The following EFCAB5 variants were observed in gnomAD, a reference collection of about 807,000 sequenced individuals.
EFCAB5 encodes the protein EF-hand calcium-binding domain-containing protein 5.
A neutral mutation model predicts 167.9 loss-of-function variants in EFCAB5; 131 were observed. That is an observed-to-expected ratio of 0.78 (90% confidence interval 0.68 to 0.90). The LOEUF is 0.90. EFCAB5 is among the 40% of genes least tolerant of loss of function. The pLI, the probability that EFCAB5 is intolerant of heterozygous loss-of-function variation, is 0.00. For missense variants in EFCAB5, 1,663 were observed against 1,745.2 expected, an observed-to-expected ratio of 0.95 and a Z score of 0.84; for synonymous variants, 574 against 602.8, an observed-to-expected ratio of 0.95 and a Z score of 0.70.
At chr17:29,940,382 T>A (rs2067282470), upstream of EFCAB5, among the ~76,000 whole-genome samples, 1 of 152,100 alleles carries the variant, frequency 6.6e-6, no homozygotes, top group Non-Finnish European at 1.5e-5. Flanking sequence ...CGGACTAAAC[T>A]GGGAACTCTT....
At chr17:30,078,632 C>T in intron 15 of EFCAB5, 128 bp downstream of exon 15, 1 of 1,149,754 alleles carries the variant, frequency 8.7e-7, no homozygotes, top group Non-Finnish European at 1.2e-6. Context: ...ATATTTTATT[C>T]ATTCCAGTCC....
chr17:30,086,685 G>A (rs1458503330), intron 18 of EFCAB5, among the ~76,000 whole-genome samples: 2 of 152,206 alleles, frequency 1.3e-5, no homozygotes, highest in African/African-American at 4.8e-5. Context: ...ATGAGGTGAG[G>A]AGTTCAAGAC....
chr17:29,976,016 T>G (rs1431340832), intron 4 of EFCAB5, among the ~76,000 whole-genome samples: 1 of 152,202 alleles, frequency 6.6e-6, no homozygotes, highest in Non-Finnish European at 1.5e-5. Context: ...ATAAATACCT[T>G]AAGGAACATT....
intron 14 of EFCAB5, 47 bp downstream of exon 14, chr17:30,059,748 C>T: frequency 1.3e-6 from 2 of 1,501,722 alleles, no homozygotes; most frequent in Non-Finnish European, 1.8e-6. Context: ...ATTAACTTGG[C>T]TTCAAGTTTC....
chr17:30,039,983 G>T (rs1351980912), intron 8 of EFCAB5, among the ~76,000 whole-genome samples: 1 of 152,190 alleles, frequency 6.6e-6, no homozygotes, highest in Non-Finnish European at 1.5e-5. Flanking sequence ...CACTGAAACA[G>T]GGTATAAAGA....
intron 22 of EFCAB5, among the ~76,000 whole-genome samples, chr17:30,096,873 T>C (rs2071302683): frequency 6.8e-6 from 1 of 146,634 alleles, no homozygotes; most frequent in African/African-American, 2.5e-5. Context: ...AGAGACGGGG[T>C]TGCACCATGT....
chr17:29,996,631 A>C (rs1200523128), intron 6 of EFCAB5, among the ~76,000 whole-genome samples: 1 of 152,204 alleles, frequency 6.6e-6, no homozygotes, highest in African/African-American at 2.4e-5. Flanking sequence ...TATTTCTTAC[A>C]TACATAGAAT....
At chr17:29,987,597 G>A (rs374005481) in intron 4 of EFCAB5, among the ~76,000 whole-genome samples, 3 of 152,164 alleles carry the variant, frequency 2.0e-5, no homozygotes, top group African/African-American at 7.2e-5. Flanking sequence ...AGATTCAGTT[G>A]CATATGTGGT....
chr17:29,967,338 G>A (rs1382933868), intron 3 of EFCAB5, among the ~76,000 whole-genome samples: 4 of 152,210 alleles, frequency 2.6e-5, no homozygotes, highest in Non-Finnish European at 5.9e-5. Flanking sequence ...CATTTTCTCT[G>A]CGTGTGGAAA....
intron 3 of EFCAB5, chr17:29,968,415 T>C (rs571391253): frequency 4.2e-5 from 18 of 427,716 alleles, no homozygotes; most frequent in South Asian, 2.8e-4. Flanking sequence ...TCTTCTCCTC[T>C]TGGATAATAA....
intron 8 of EFCAB5, among the ~76,000 whole-genome samples, chr17:30,040,166 G>A (rs1203064835): frequency 6.6e-6 from 1 of 152,104 alleles, no homozygotes; most frequent in East Asian, 1.9e-4. Flanking sequence ...AGATTCCACC[G>A]CCTGGAATAA....
chr17:30,012,120 C>T (rs1200880685), intron 7 of EFCAB5, among the ~76,000 whole-genome samples: 2 of 152,124 alleles, frequency 1.3e-5, no homozygotes, highest in African/African-American at 2.4e-5. Flanking sequence ...GTAACGCCAG[C>T]GTCTGGGAAG....
chr17:29,942,227 G>A lies in EFCAB5; in HGVS notation c.43-13G>A. The stretch of plus-strand genomic sequence containing the variant: ...TTTTTGGATGCCATTTACTAACACT[G>A]TTTGCATTTCAGGAAAACAGAAAAG... On this transcript the variant is annotated splice_polypyrimidine_tract_variant and intron_variant, in intron 1 of 22. Transcript: ENST00000394835. 2 of 1,577,038 alleles carry A rather than the reference G, an allele frequency of 1.3e-6. No individual in the cohort carries two copies. Among genetic ancestry groups the A allele is most frequent in the Non-Finnish European group, 1.7e-6 (2 of 1,161,220 alleles).
intron 8 of EFCAB5, among the ~76,000 whole-genome samples, chr17:30,045,474 A>G: frequency 6.6e-6 from 1 of 151,662 alleles, no homozygotes; most frequent in East Asian, 1.9e-4. Flanking sequence ...AAAAAAAAAA[A>G]AAAGAGACAT....
At chr17:29,930,327 C>A (rs1204206765) in intron 1 of EFCAB5, 1 of 356,330 alleles carries the variant, frequency 2.8e-6, no homozygotes, top group East Asian at 5.5e-5. Context: ...GGAAGCTGGC[C>A]GAGTGCGTGC....
intron 7 of EFCAB5, among the ~76,000 whole-genome samples, chr17:30,000,305 G>GT (rs2068634644): frequency 6.6e-6 from 1 of 152,086 alleles, no homozygotes. Context: ...TATGGGCCAG[G>GT]TATCATACAT....
intron 4 of EFCAB5, among the ~76,000 whole-genome samples, chr17:29,986,001 A>G (rs1476942931): frequency 6.6e-6 from 1 of 152,240 alleles, no homozygotes; most frequent in Non-Finnish European, 1.5e-5. Flanking sequence ...ACAAAGACAA[A>G]CAATACAGAT....
Position 30,078,404 on chromosome 17 carries a change from C to T in EFCAB5, c.2927C>T (p.Ser976Phe). Residue 976 changes from serine (S) to phenylalanine (F), a missense_variant, in exon 15 of 23, where the codon TCT becomes TTT. Physicochemically the swap from Ser to Phe is radical, Grantham distance 155 (BLOSUM62 -2). Transcript: ENST00000394835. ...AGCCACATTGAGAGTCTGAGGAATTCTGCCAGGCGGAAATGGCTGCACCAA... is the reference window on the plus strand; with the variant it reads ...AGCCACATTGAGAGTCTGAGGAATTTTGCCAGGCGGAAATGGCTGCACCAA... ...ERSHIESLRN[S>F]ARRKWLHQIQ... 6.2e-7 allele frequency: 1 copy of T among 1,613,972 alleles called. No individual in the cohort carries two copies. Among genetic ancestry groups the T allele is most frequent in the Non-Finnish European group, 8.5e-7 (1 of 1,179,884 alleles).
At position 30,093,763 on chromosome 17, in the gene EFCAB5, A is replaced by G. The variant is rs553958993; in HGVS notation, c.4321+827A>G. Among the ~76,000 whole-genome samples the G allele has an allele frequency of 6.6e-5, 10 of 152,226 alleles. 1 individual carries two copies. In the South Asian group the frequency reaches 2.1e-3, roughly 32 times the overall value. Reference sequence around the variant, plus strand: ...CCAGAAAATAGCCCATAGGCTCCCCAATCACCACCGCCAAGCCTTTAGTGT... The same window carrying G: ...CCAGAAAATAGCCCATAGGCTCCCCGATCACCACCGCCAAGCCTTTAGTGT... On this transcript the variant is annotated intron_variant, in intron 22 of 22. Coordinates refer to ENST00000394835, the MANE Select transcript of EFCAB5 (RefSeq NM_198529.4).
Sources: gnomAD v4.1 joint callset for allele counts (sites outside exome capture counted in the v4.1 genomes callset) on GRCh38, gnomAD v4.1.1 for gene constraint, MANE v1.5 for transcripts, NCBI Gene and HGNC (gene_info 2026-07-23, HGNC 2026-07-21) for gene names.